FNDC3B: variants seen among roughly 807,000 people sequenced by gnomAD.
The protein encoded by FNDC3B is fibronectin type III domain containing 3B.
FNDC3B carries 12 observed loss-of-function variants against 151.5 expected under a neutral mutation model. That is an observed-to-expected ratio of 0.08 (90% CI 0.05 to 0.13). The LOEUF (loss-of-function observed/expected upper bound fraction) is 0.13, where lower values mean the gene tolerates loss of function less well. FNDC3B is among the 10% of genes least tolerant of loss of function. The pLI is 1.00. For missense variants in FNDC3B, 1,214 were observed against 1,505.3 expected, an observed-to-expected ratio of 0.81 and a Z score of 3.20; for synonymous variants, 528 against 549.0, an observed-to-expected ratio of 0.96 and a Z score of 0.54.
intron 1 of FNDC3B, among the ~76,000 whole-genome samples, chr3:172,063,892 C>G (rs936751566): frequency 6.6e-6 from 1 of 152,078 alleles, no homozygotes; most frequent in Non-Finnish European, 1.5e-5. Context: ...GAAATCTAAC[C>G]CCCAAGTTGA....
At chr3:172,237,899 AG>A (rs1727250428) in intron 4 of FNDC3B, among the ~76,000 whole-genome samples, 1 of 152,222 alleles carries the variant, frequency 6.6e-6, no homozygotes, top group Non-Finnish European at 1.5e-5. Flanking sequence ...TATTATTTAA[AG>A]GGCTTTTAGA....
chr3:172,349,105 C>T (rs1409548567), intron 21 of FNDC3B, among the ~76,000 whole-genome samples: 2 of 150,568 alleles, frequency 1.3e-5, no homozygotes. Context: ...GCCTGGACAA[C>T]ATAACAAAAC....
intron 4 of FNDC3B, among the ~76,000 whole-genome samples, chr3:172,231,749 G>A (rs1057463470): frequency 4.1e-5 from 6 of 145,734 alleles, no homozygotes; most frequent in Non-Finnish European, 6.0e-5. Context: ...CTCACAGTCC[G>A]TGGCAGAGCC....
intron 3 of FNDC3B, among the ~76,000 whole-genome samples, chr3:172,197,073 C>G (rs188386614): frequency 1.1e-4 from 16 of 151,868 alleles, no homozygotes; most frequent in African/African-American, 3.4e-4. Context: ...CCCAGCTACT[C>G]GGGAGGCTGA....
At chr3:172,075,111 A>G (rs1717945080) in intron 1 of FNDC3B, among the ~76,000 whole-genome samples, 1 of 152,188 alleles carries the variant, frequency 6.6e-6, no homozygotes, top group African/African-American at 2.4e-5. Flanking sequence ...TCATGTTTGA[A>G]GTCCTGAGCT....
In FNDC3B at chr3:172,381,043, G is replaced by A. The variant is rs758795416; in HGVS notation, c.3253G>A (p.Val1085Ile). 1.9e-6 allele frequency: 3 copies of A among 1,613,766 alleles called. No homozygotes were observed. In the Admixed American group the frequency reaches 5.0e-5, roughly 27 times the overall value. The part of the protein sequence containing the change: ...ETVPSMKGDP[V>I]NYILQVLVGR... ...GGTACCATCAATGAAAGGTGACCCT[G>A]TTAACTACATTCTGCAGGTATTGGT... is the stretch of plus-strand genomic sequence containing the variant. The change falls in exon 25 of 26, where the codon GTT becomes ATT. Residue 1085 changes from valine (V) to isoleucine (I), a missense_variant. Physicochemically the swap from Val to Ile is conservative, Grantham distance 29 (BLOSUM62 3). Around this residue, in one of 7 missense-constraint regions of FNDC3B, gnomAD observed 284 missense variants for 392.4 expected, o/e 0.72. Transcript: ENST00000415807.
chr3:172,375,116 G>A (rs1735070219), intron 23 of FNDC3B, among the ~76,000 whole-genome samples: 1 of 152,150 alleles, frequency 6.6e-6, no homozygotes, highest in South Asian at 2.1e-4. Flanking sequence ...AAAGGGTAGG[G>A]AAAACCTTTA....
At chr3:172,387,600 A>G (rs916332974) in intron 25 of FNDC3B, among the ~76,000 whole-genome samples, 1 of 152,186 alleles carries the variant, frequency 6.6e-6, no homozygotes, top group African/African-American at 2.4e-5. Flanking sequence ...TTTTAGTTTT[A>G]TAGGTTTATT....
At chr3:172,229,098 CA>C (rs1319827888) in intron 4 of FNDC3B, among the ~76,000 whole-genome samples, 1 of 147,254 alleles carries the variant, frequency 6.8e-6, no homozygotes, top group Non-Finnish European at 1.5e-5. Context: ...CACACACACA[CA>C]CACACACACA....
chr3:172,148,680 A>G (rs1722054557), intron 3 of FNDC3B: 1 of 152,228 alleles, frequency 6.6e-6, no homozygotes, highest in Non-Finnish European at 1.5e-5. Context: ...CCCTGTTTAA[A>G]AAAATCTATT....
chr3:172,386,690 G>A (rs962935934), intron 25 of FNDC3B, among the ~76,000 whole-genome samples: 4 of 147,834 alleles, frequency 2.7e-5, no homozygotes, highest in East Asian at 4.0e-4. Flanking sequence ...GCAGTGAGCC[G>A]AGATCGTGCC....
chr3:172,394,537 T>C (rs1736181883), intron 25 of FNDC3B, among the ~76,000 whole-genome samples: 1 of 152,180 alleles, frequency 6.6e-6, no homozygotes, highest in South Asian at 2.1e-4. Flanking sequence ...ATGCAACTTA[T>C]CAAGACTGAA....
chr3:172,110,679 C>T (rs1719913306), intron 1 of FNDC3B, among the ~76,000 whole-genome samples: 3 of 152,028 alleles, frequency 2.0e-5, no homozygotes, highest in African/African-American at 7.2e-5. Flanking sequence ...AACAGAGCCA[C>T]AGTCTGCACC....
chr3:172,216,883 C>G (rs1726006809), intron 3 of FNDC3B, among the ~76,000 whole-genome samples: 1 of 152,252 alleles, frequency 6.6e-6, no homozygotes, highest in East Asian at 1.9e-4. Context: ...TGGACCTTTT[C>G]TCAGAGGTCT....
chr3:172,372,641 T>C (rs939744252), intron 23 of FNDC3B, among the ~76,000 whole-genome samples: 1 of 152,132 alleles, frequency 6.6e-6, no homozygotes, highest in African/African-American at 2.4e-5. Context: ...GATGGACATG[T>C]TCCTGCTGGG....
At position 172,362,648 on chromosome 3, in the gene FNDC3B, T is replaced by C; in HGVS notation, c.2811T>C (p.Ala937=). 1 of 1,613,904 alleles carries C rather than the reference T, an allele frequency of 6.2e-7. No individual in the cohort carries two copies. Among genetic ancestry groups the C allele is most frequent in the Non-Finnish European group, 8.5e-7 (1 of 1,179,778 alleles). The part of the protein sequence containing the change: ...PETTYRIRIQ[A]INEIGAGPFS... ...CTTTCTCTAGGATCAGAATTCAGGC[T>C]ATAAATGAAATTGGAGCTGGACCAT... The change falls in exon 23 of 26, where the codon GCT becomes GCC. Residue 937 remains alanine (A), a synonymous_variant. Transcript: ENST00000415807.
intron 6 of FNDC3B, among the ~76,000 whole-genome samples, chr3:172,275,205 G>C (rs1404584834): frequency 4.6e-5 from 7 of 152,020 alleles, no homozygotes; most frequent in Non-Finnish European, 1.0e-4. Context: ...GCTACTAAGT[G>C]GTGCCATTAC....
At chr3:172,162,876 C>G (rs527508958) in intron 3 of FNDC3B, among the ~76,000 whole-genome samples, 2 of 152,272 alleles carry the variant, frequency 1.3e-5, no homozygotes, top group Admixed American at 6.5e-5. Context: ...CTAACCAAAC[C>G]ACCATGATAC....
intron 2 of FNDC3B, among the ~76,000 whole-genome samples, chr3:172,129,791 T>A (rs974263150): frequency 1.4e-4 from 21 of 150,150 alleles, no homozygotes; most frequent in African/African-American, 4.6e-4. Flanking sequence ...AAAAAAAATA[T>A]CTAGTTAAAA....
Sources: allele counts gnomAD v4.1 joint callset (sites outside exome capture counted in the v4.1 genomes callset), GRCh38; gene constraint gnomAD v4.1.1; regional missense constraint gnomAD v4.1.1; transcripts MANE v1.5; gene names NCBI Gene and HGNC (gene_info 2026-07-23, HGNC 2026-07-21).